RNF149: variants seen among roughly 807,000 people sequenced by gnomAD.
RNF149 encodes ring finger protein 149.
A neutral mutation model predicts 39.0 loss-of-function variants in RNF149; 21 were observed. The observed-to-expected ratio is 0.54, with a 90% CI of 0.38 to 0.77. RNF149 has a LOEUF of 0.77. Among genes scored for constraint, RNF149 ranks in the 30% least tolerant of loss-of-function variants. The pLI, the probability that RNF149 is intolerant of heterozygous loss-of-function variation, is 0.00. For synonymous variants in RNF149, 209 were observed against 213.6 expected (o/e 0.98, Z 0.19); for missense variants, 493 against 534.9 (o/e 0.92, Z 0.77).
At chr2:101,272,427 A>G (rs1682163267), downstream of RNF149, among the ~76,000 whole-genome samples, 1 of 152,216 alleles carries the variant, frequency 6.6e-6, no homozygotes, top group Admixed American at 6.5e-5. Flanking sequence ...ACACTTTTAT[A>G]ACTAGTAATC....
rs551283994 is a variant in RNF149, at chr2:101,304,966, G to C, written c.460+3163C>G. Among the ~76,000 whole-genome samples, 8 of 150,762 alleles carry C rather than the reference G, an allele frequency of 5.3e-5. No homozygotes were observed. The South Asian group carries it at 1.7e-3, about 32-fold the overall frequency. The stretch of plus-strand genomic sequence containing the variant: ...AGCGATTCTCCTGCCTCAGCCTCCT[G>C]AGTAACTAGGACTACAGGCACACAC... On this transcript the variant is annotated intron_variant, in intron 1 of 6. Transcript: ENST00000295317.
intron 6 of RNF149, chr2:101,281,601 AG>A: frequency 2.1e-6 from 1 of 473,646 alleles, no homozygotes; most frequent in Non-Finnish European, 3.8e-6. Context: ...CTTGGTCACA[AG>A]CCACTCTCCT....
downstream of RNF149, chr2:101,273,241 C>T: frequency 1.4e-6 from 1 of 720,556 alleles, no homozygotes; most frequent in Non-Finnish European, 2.2e-6. Context: ...AGGCAGGGGG[C>T]TGCGGAGAGC....
At chr2:101,271,297 C>T (rs1209111646), downstream of RNF149, 2 of 152,094 alleles carry the variant, frequency 1.3e-5, no homozygotes, top group African/African-American at 4.8e-5. Context: ...TTTTATAAAA[C>T]AGATTTACAC....
chr2:101,284,508 G>A (rs1682716938), intron 5 of RNF149, among the ~76,000 whole-genome samples: 1 of 152,170 alleles, frequency 6.6e-6, no homozygotes, highest in Non-Finnish European at 1.5e-5. Flanking sequence ...TTGAACCCAT[G>A]AGGCAGAGGT....
chr2:101,297,288 A>T (rs116391730), intron 1 of RNF149, among the ~76,000 whole-genome samples: 1 of 152,310 alleles, frequency 6.6e-6, no homozygotes, highest in East Asian at 1.9e-4. Context: ...CTAATTTCCT[A>T]TAAGAGTAAT....
At position 101,275,881 on chromosome 2, in the gene RNF149, A is replaced by G; in HGVS notation, c.*1357T>C. 1.0e-6 allele frequency: 1 copy of G among 985,262 alleles called. No homozygotes were observed. Among genetic ancestry groups the G allele is most frequent in the South Asian group, 4.7e-5 (1 of 21,280 alleles). 61.0% of individuals were successfully genotyped at this position (985,262 alleles called of 1,614,324 possible). A position where few individuals can be genotyped will look rare whatever the true frequency, so the allele number is the denominator to read the frequency against. On this transcript the variant is annotated 3_prime_UTR_variant, in exon 7 of 7. Coordinates refer to ENST00000295317, the MANE Select transcript of RNF149 (RefSeq NM_173647.4). ...GGAAACCTACTTGAGGTTGTCTGCT[A>G]AAACCAACTCAGTGTGCAAAGCGAA...
chr2:101,300,723 T>C (rs536966502), intron 1 of RNF149, among the ~76,000 whole-genome samples: 2 of 152,296 alleles, frequency 1.3e-5, no homozygotes, highest in African/African-American at 4.8e-5. Context: ...AGCAGCAAGA[T>C]TGCTTCTGGG....
At position 101,277,044 on chromosome 2, in the gene RNF149, AAT is replaced by A; in HGVS notation, c.*192_*193del. 1 of 1,345,602 alleles carries A rather than the reference AAT, an allele frequency of 7.4e-7. No homozygotes were observed. The highest frequency in any genetic ancestry group is 9.6e-7 in the Non-Finnish European group (1 of 1,038,694). 83.4% of individuals were successfully genotyped at this position (1,345,602 alleles called of 1,614,324 possible). On this transcript the variant is annotated 3_prime_UTR_variant, in exon 7 of 7. Transcript: ENST00000295317. ...GGTAAACACTCTATTTTAGTAGATA[AAT>A]ATATGAGGACTAATCGAAAAGTCTC...
At chr2:101,286,313 TATC>T (rs1682790512) in intron 4 of RNF149, 136 bp from the exon 5 acceptor site, 3 of 539,364 alleles carry the variant, frequency 5.6e-6, no homozygotes, top group East Asian at 3.1e-5. Context: ...TCTACTTACT[TATC>T]ATGTCATTAT....
rs115212210 is a variant in RNF149 at position 101,276,146 on chromosome 2, G to A, written c.*1092C>T. 0.012 allele frequency: 11,789 copies of A among 969,160 alleles called. 96 individuals carry two copies. Among genetic ancestry groups the A allele is most frequent in the Non-Finnish European group, 0.014 (11,009 of 815,330 alleles). The allele number at this position is 969,160 out of a possible 1,614,324, so 60.0% of individuals were successfully genotyped here. On this transcript the variant is annotated 3_prime_UTR_variant, in exon 7 of 7. Transcript: ENST00000295317. ...AAGTAAAGATATACAGAATAACTAG[G>A]AGCAAGGAAAGACTATAATTCCACA... is the stretch of plus-strand genomic sequence containing the variant.
chr2:101,276,413 T>C lies in RNF149; in HGVS notation c.*825A>G. ...GTTATTTCGAGTCAACAACAAAAAC[T>C]AAAATTCTACATCTTTCGCCCTTTT... On this transcript the variant is annotated 3_prime_UTR_variant, in exon 7 of 7. Transcript: ENST00000295317. 1.0e-6 allele frequency: 1 copy of C among 985,830 alleles called. No homozygotes were observed. The highest frequency in any genetic ancestry group is 1.2e-6 in the Non-Finnish European group (1 of 829,882). 61.1% of individuals were successfully genotyped at this position (985,830 alleles called of 1,614,324 possible). A position where few individuals can be genotyped will look rare whatever the true frequency, so the allele number is the denominator to read the frequency against.
intron 5 of RNF149, among the ~76,000 whole-genome samples, chr2:101,285,311 C>A (rs1445337331): frequency 6.6e-6 from 1 of 152,146 alleles, no homozygotes; most frequent in Non-Finnish European, 1.5e-5. Flanking sequence ...CCTCTATGTT[C>A]CCCTCTTTGG....
rs201600274 is a variant in RNF149, at chr2:101,286,154, A to T, written c.887T>A (p.Ile296Asn). The T allele has an allele frequency of 6.2e-7, 1 of 1,606,290 alleles. No homozygotes were observed. Among genetic ancestry groups the T allele is most frequent in the South Asian group, 1.1e-5 (1 of 90,728 alleles). ...PCKHIFHRIC[I>N]DPWLLDHRTC... Reference sequence around the variant, plus strand: ...TCGGTGATCCAAAAGCCATGGGTCAATGCATATTCTATGAAAAATATGCCT... The same window carrying T: ...TCGGTGATCCAAAAGCCATGGGTCATTGCATATTCTATGAAAAATATGCCT... The change falls in exon 5 of 7, where the codon ATT becomes AAT. Residue 296 changes from isoleucine to asparagine, a missense_variant. Ile to Asn is a moderately radical substitution (Grantham distance 149). Transcript: ENST00000295317.
chr2:101,294,860 C>G, intron 2 of RNF149, 71 bp downstream of exon 2: 4 of 1,222,978 alleles, frequency 3.3e-6, no homozygotes, highest in Non-Finnish European at 4.7e-6. Context: ...AATGTAACTT[C>G]TAGGAATATA....
chr2:101,286,240 A>G (rs1573231058), intron 4 of RNF149, 63 bp from the exon 5 acceptor site: 2 of 981,996 alleles, frequency 2.0e-6, no homozygotes, highest in East Asian at 2.5e-5. Flanking sequence ...TATAAAGGAA[A>G]TAAGACATTG....
At chr2:101,303,165 T>C (rs539876122) in intron 1 of RNF149, among the ~76,000 whole-genome samples, 4 of 152,184 alleles carry the variant, frequency 2.6e-5, no homozygotes, top group African/African-American at 9.6e-5. Context: ...CCCAGAGCTG[T>C]AGTGCAGTGG....
Position 101,288,971 on chromosome 2 carries a change from A to C in RNF149, c.863+2T>G, listed in dbSNP as rs766761216. 2.0e-6 allele frequency: 3 copies of C among 1,474,020 alleles called. No homozygotes were observed. The Admixed American group carries it at 5.2e-5, about 25-fold the overall frequency. The allele number at this position is 1,474,020 out of a possible 1,614,324, so 91.3% of individuals were successfully genotyped here. ...ACATCTCAATATGTAAAAAGAACAT[A>C]CTTGCATGGCAGAATTCTAATAATA... is the stretch of plus-strand genomic sequence containing the variant. On this transcript the variant is annotated splice_donor_variant, in intron 4 of 6. Transcript: ENST00000295317. LOFTEE classifies it high-confidence loss of function.
chr2:101,274,760 T>TA (rs377454374), downstream of RNF149, among the ~76,000 whole-genome samples: 182 of 152,346 alleles, frequency 1.2e-3, 1 homozygote, highest in African/African-American at 4.0e-3. Context: ...AATGACTAGT[T>TA]AAAACATTTT....
Sources: allele counts gnomAD v4.1 joint callset (sites outside exome capture counted in the v4.1 genomes callset), GRCh38; gene constraint gnomAD v4.1.1; transcripts MANE v1.5; gene names NCBI Gene and HGNC (gene_info 2026-07-23, HGNC 2026-07-21).